Variants in KAZN observed in about 807,000 individuals in gnomAD.
KAZN encodes kazrin.
KAZN carries 40 observed loss-of-function variants against 87.4 expected under a neutral mutation model. That is an observed-to-expected ratio of 0.46 (90% CI 0.36 to 0.60). The LOEUF (loss-of-function observed/expected upper bound fraction) is 0.60, where lower values mean the gene tolerates loss of function less well. Ranked by LOEUF, KAZN falls within the 20% of genes least tolerant of loss-of-function variation. The pLI is 0.00. For synonymous variants in KAZN, 466 were observed against 458.3 expected (o/e 1.02, Z -0.22); for missense variants, 898 against 1,073.9 (o/e 0.84, Z 2.29).
intron 2 of KAZN, among the ~76,000 whole-genome samples, chr1:14,284,449 C>T (rs979237225): frequency 3.9e-5 from 4 of 102,444 alleles, no homozygotes; most frequent in East Asian, 4.4e-4. Flanking sequence ...TGGTGAGCCC[C>T]GGGTTCCAAA....
At position 15,005,054 on chromosome 1, in the gene KAZN, G is replaced by A. The variant is rs570163057; in HGVS notation, c.419-29695G>A. Reference sequence around the variant, plus strand: ...ACCTCACAGCCTCATATCCATTGGGGAGGATAATATGCAAACCAAGCCCAG... The same window carrying A: ...ACCTCACAGCCTCATATCCATTGGGAAGGATAATATGCAAACCAAGCCCAG... On this transcript the variant is annotated intron_variant, in intron 2 of 14. Transcript: ENST00000376030. Among the ~76,000 whole-genome samples the A allele has an allele frequency of 2.0e-5, 3 of 152,136 alleles. No individual in the cohort carries two copies. The South Asian group carries it at 6.2e-4, about 32-fold the overall frequency.
chr1:14,772,527 A>G (rs12133375), intron 1 of KAZN, among the ~76,000 whole-genome samples: 17 of 9,838 alleles, frequency 1.7e-3, no homozygotes, highest in South Asian at 0.02. Flanking sequence ...TAGATTGAGA[A>G]AAAAAAAAAA....
intron 1 of KAZN, among the ~76,000 whole-genome samples, chr1:14,810,054 C>G (rs961656152): frequency 1.3e-5 from 2 of 152,122 alleles, no homozygotes; most frequent in African/African-American, 4.8e-5. Flanking sequence ...GGCCTGTACC[C>G]TACTAGACCC....
intron 2 of KAZN, among the ~76,000 whole-genome samples, chr1:14,430,216 A>C (rs1012522751): frequency 8.0e-5 from 12 of 149,884 alleles, no homozygotes; most frequent in East Asian, 5.8e-4. Flanking sequence ...CTGCAACCAA[A>C]AAAAAAAAAA....
intron 8 of KAZN, among the ~76,000 whole-genome samples, chr1:15,093,008 G>A (rs1042092375): frequency 6.6e-6 from 1 of 151,494 alleles, no homozygotes; most frequent in Non-Finnish European, 1.5e-5. Context: ...TTTATCCTAC[G>A]AAAATAAATC....
intron 1 of KAZN, among the ~76,000 whole-genome samples, chr1:14,678,253 A>G (rs145279873): frequency 2.2e-4 from 33 of 152,338 alleles, no homozygotes; most frequent in African/African-American, 7.0e-4. Flanking sequence ...AGCAGGCAGA[A>G]GAAGGTGGAA....
intron 1 of KAZN, among the ~76,000 whole-genome samples, chr1:14,002,077 G>A (rs1225269837): frequency 3.3e-5 from 5 of 152,012 alleles, no homozygotes; most frequent in African/African-American, 1.2e-4. Flanking sequence ...CTACAGAATG[G>A]GAAAAAATTT....
intron 1 of KAZN, among the ~76,000 whole-genome samples, chr1:13,949,307 C>T (rs1641260255): frequency 1.4e-5 from 1 of 72,148 alleles, no homozygotes; most frequent in Admixed American, 1.7e-4. Context: ...ATCCCATGAG[C>T]TCTTGTACTT....
At position 15,021,515 on chromosome 1, in the gene KAZN, G is replaced by A. The variant is rs1670664432; in HGVS notation, c.419-13234G>A. Among the ~76,000 whole-genome samples, 1 of 152,164 alleles carries A rather than the reference G, an allele frequency of 6.6e-6. No individual in the cohort carries two copies. Among genetic ancestry groups the A allele is most frequent in the Non-Finnish European group, 1.5e-5 (1 of 68,020 alleles). ...CGGCCCCTCCCATTTCCCTCCTGCTGGTATACCTTGGCCTCCTGTCTCCCT... is the reference window on the plus strand; with the variant it reads ...CGGCCCCTCCCATTTCCCTCCTGCTAGTATACCTTGGCCTCCTGTCTCCCT... On this transcript the variant is annotated intron_variant, in intron 2 of 14. Transcript: ENST00000376030. The surrounding 1 kb of genome is among the most constrained non-coding windows in gnomAD (Gnocchi z 4.2).
intron 1 of KAZN, among the ~76,000 whole-genome samples, chr1:14,784,409 T>C (rs916395999): frequency 6.6e-6 from 1 of 152,188 alleles, no homozygotes; most frequent in Non-Finnish European, 1.5e-5. Context: ...ATGGGCTCTC[T>C]GCAGACCCTC....
chr1:14,685,505 T>G (rs183486232), intron 1 of KAZN, among the ~76,000 whole-genome samples: 1 of 152,244 alleles, frequency 6.6e-6, no homozygotes, highest in Non-Finnish European at 1.5e-5. Context: ...GGATTGGCAG[T>G]GTCTTCTACA....
chr1:14,352,012 A>G lies in KAZN; in HGVS notation c.249+171420A>G, dbSNP rs1007754498. Among the ~76,000 whole-genome samples, 4 of 152,358 alleles carry G rather than the reference A, an allele frequency of 2.6e-5. No homozygotes were observed. In the East Asian group the frequency reaches 5.8e-4, roughly 22 times the overall value. On this transcript the variant is annotated intron_variant, in intron 2 of 16. Coordinates refer to the KAZN transcript ENST00000636203. The stretch of plus-strand genomic sequence containing the variant: ...AAAATTTTGAATGCTAAATTTAACA[A>G]TTAGTGAAATTGGGGTAAGTAGCAT...
intron 1 of KAZN, among the ~76,000 whole-genome samples, chr1:14,911,308 A>T (rs913654828): frequency 6.6e-5 from 10 of 152,338 alleles, no homozygotes; most frequent in Admixed American, 3.3e-4. Flanking sequence ...GAATGTTTGT[A>T]GGATGATGAA....
intron 1 of KAZN, among the ~76,000 whole-genome samples, chr1:14,894,265 T>C (rs530365394): frequency 3.3e-5 from 5 of 152,278 alleles, no homozygotes; most frequent in African/African-American, 1.2e-4. Context: ...TGGCTCCTCC[T>C]GCATCCTCCA....
rs1644969136 is a variant in KAZN at position 14,769,523 on chromosome 1, T to G, written c.226+170300T>G. 6.6e-6 allele frequency among the ~76,000 whole-genome samples: 1 copy of G among 151,968 alleles called. No individual in the cohort carries two copies. Reference sequence around the variant, plus strand: ...GCGCCCACCACCACGCCCGGCTAATTTTGTATTTTTAGTAGAGACAGGGTT... The same window carrying G: ...GCGCCCACCACCACGCCCGGCTAATGTTGTATTTTTAGTAGAGACAGGGTT... On this transcript the variant is annotated intron_variant, in intron 1 of 14. Transcript: ENST00000376030. The surrounding 1 kb of genome is among the most constrained non-coding windows in gnomAD (Gnocchi z 4.1).
intron 2 of KAZN, among the ~76,000 whole-genome samples, chr1:14,456,449 A>G (rs1157286578): frequency 1.3e-5 from 2 of 152,030 alleles, no homozygotes; most frequent in African/African-American, 2.4e-5. Context: ...TTTTATTTGT[A>G]GACGTTTATA....
At chr1:14,094,625 A>T (rs1197811035) in intron 1 of KAZN, among the ~76,000 whole-genome samples, 1 of 152,240 alleles carries the variant, frequency 6.6e-6, no homozygotes, top group Non-Finnish European at 1.5e-5. Flanking sequence ...AAGTAATATG[A>T]CAAGTTAATA....
chr1:14,109,759 C>T (rs1027500350), intron 1 of KAZN, among the ~76,000 whole-genome samples: 1 of 130,142 alleles, frequency 7.7e-6, no homozygotes, highest in African/African-American at 3.1e-5. Flanking sequence ...TTCCATTCAG[C>T]TTAAACTCTC....
At chr1:14,371,006 G>A (rs1380272483) in intron 2 of KAZN, among the ~76,000 whole-genome samples, 1 of 152,128 alleles carries the variant, frequency 6.6e-6, no homozygotes, top group African/African-American at 2.4e-5. Context: ...TCTTCTATAA[G>A]ACATAATGGA....
Sources: allele counts gnomAD v4.1 joint callset (sites outside exome capture counted in the v4.1 genomes callset), GRCh38; gene constraint gnomAD v4.1.1; non-coding constraint Gnocchi (gnomAD v3.1); transcripts MANE v1.5; gene names NCBI Gene and HGNC (gene_info 2026-07-23, HGNC 2026-07-21).